NRXN1: variants seen among roughly 807,000 people sequenced by gnomAD.
The protein encoded by NRXN1 is neurexin-1.
Under a neutral mutation model 150.9 loss-of-function variants are expected in NRXN1, and 39 were observed. The observed-to-expected ratio is 0.26, with a 90% CI of 0.20 to 0.34. NRXN1 has a LOEUF of 0.34. Among genes scored for constraint, NRXN1 ranks in the 10% least tolerant of loss-of-function variants. NRXN1 has a pLI of 1.00. For missense variants in NRXN1, 1,815 were observed against 1,949.9 expected (o/e 0.93, Z 1.30); for synonymous variants, 924 against 757.0 (o/e 1.22, Z -3.62).
intron 5 of NRXN1, among the ~76,000 whole-genome samples, chr2:50,794,029 G>A (rs1277961431): frequency 1.3e-5 from 2 of 151,964 alleles, no homozygotes; most frequent in Admixed American, 1.3e-4. Flanking sequence ...GGTAGAAGCA[G>A]GGAAGCCGTT....
At chr2:50,376,924 C>T (rs569316050) in intron 17 of NRXN1, among the ~76,000 whole-genome samples, 1 of 151,476 alleles carries the variant, frequency 6.6e-6, no homozygotes, top group East Asian at 2.0e-4. Flanking sequence ...CGCTTCTGTT[C>T]CCAAATTCTT....
chr2:50,641,242 A>G (rs140460858), intron 5 of NRXN1, among the ~76,000 whole-genome samples: 2 of 152,298 alleles, frequency 1.3e-5, no homozygotes, highest in African/African-American at 4.8e-5. Context: ...AAAGGCTTTA[A>G]TACATTTTTG....
chr2:50,436,233 C>T (rs2085416297), intron 17 of NRXN1, among the ~76,000 whole-genome samples: 1 of 152,164 alleles, frequency 6.6e-6, no homozygotes, highest in Non-Finnish European at 1.5e-5. Flanking sequence ...GCAGGCAGAT[C>T]ACCAGAGGTC....
intron 5 of NRXN1, among the ~76,000 whole-genome samples, chr2:50,721,676 G>C (rs1442506183): frequency 1.3e-5 from 2 of 151,994 alleles, no homozygotes; most frequent in African/African-American, 4.8e-5. Flanking sequence ...TTAAAAGGAA[G>C]TTATACTTAC....
chr2:50,217,844 T>C (rs2063513173), intron 18 of NRXN1, among the ~76,000 whole-genome samples: 2 of 152,096 alleles, frequency 1.3e-5, no homozygotes, highest in African/African-American at 2.4e-5. Context: ...TAACTTATTG[T>C]TATTGAAAAA....
chr2:50,718,342 G>T (rs1003972685), intron 5 of NRXN1, among the ~76,000 whole-genome samples: 12 of 152,088 alleles, frequency 7.9e-5, no homozygotes, highest in South Asian at 4.1e-4. Context: ...AGTTGGATGT[G>T]GATCGACACA....
intron 20 of NRXN1, 73 bp from the exon 21 acceptor site, chr2:50,053,663 G>T: frequency 7.0e-7 from 1 of 1,433,736 alleles, no homozygotes; most frequent in Non-Finnish European, 9.8e-7. Context: ...TGATAAAACA[G>T]ATCTTTTATG....
intron 2 of NRXN1, among the ~76,000 whole-genome samples, chr2:50,954,128 A>T (rs1691878625): frequency 6.6e-6 from 1 of 152,200 alleles, no homozygotes; most frequent in South Asian, 2.1e-4. Context: ...CCTCTCTCTG[A>T]GTAGAAATAA....
At chr2:49,940,916 T>C (rs1391652361) in intron 22 of NRXN1, among the ~76,000 whole-genome samples, 1 of 152,242 alleles carries the variant, frequency 6.6e-6, no homozygotes, top group East Asian at 1.9e-4. Flanking sequence ...TAACAGGAAT[T>C]GATGAATTGA....
intron 18 of NRXN1, among the ~76,000 whole-genome samples, chr2:50,142,986 A>G (rs1265956897): frequency 6.6e-6 from 1 of 151,976 alleles, no homozygotes. Context: ...ATGAAAAACT[A>G]AGAAAAAATA....
At chr2:50,083,073 C>A (rs566527113) in intron 19 of NRXN1, among the ~76,000 whole-genome samples, 1 of 152,234 alleles carries the variant, frequency 6.6e-6, no homozygotes, top group Admixed American at 6.5e-5. Context: ...ATCAAATTGG[C>A]CCTGTGATAC....
intron 2 of NRXN1, among the ~76,000 whole-genome samples, chr2:50,996,626 T>G (rs1009351028): frequency 2.6e-5 from 4 of 152,002 alleles, no homozygotes; most frequent in African/African-American, 9.7e-5. Flanking sequence ...ACCTTCAGGA[T>G]TCTAGAGCTA....
intron 21 of NRXN1, among the ~76,000 whole-genome samples, chr2:50,013,811 C>T (rs1686107247): frequency 6.6e-6 from 1 of 152,092 alleles, no homozygotes; most frequent in South Asian, 2.1e-4. Flanking sequence ...TAATGAAAGA[C>T]ATTTCTTATT....
At chr2:50,636,842 G>A (rs1010149386) in intron 5 of NRXN1, among the ~76,000 whole-genome samples, 1 of 151,982 alleles carries the variant, frequency 6.6e-6, no homozygotes, top group Non-Finnish European at 1.5e-5. Flanking sequence ...TTGATTATTT[G>A]TCCCCAAATT....
chr2:50,934,326 T>C (rs1688205451), intron 2 of NRXN1, among the ~76,000 whole-genome samples: 1 of 152,168 alleles, frequency 6.6e-6, no homozygotes, highest in Admixed American at 6.6e-5. Context: ...TGACCACTTT[T>C]CCTATAAACA....
At position 50,451,557 on chromosome 2, in the gene NRXN1, T is replaced by A. The variant is rs1024246329; in HGVS notation, c.3364+13885A>T. Among the ~76,000 whole-genome samples, 11 of 152,310 alleles carry A rather than the reference T, an allele frequency of 7.2e-5. No individual in the cohort carries two copies. The East Asian group carries it at 2.1e-3, about 29-fold the overall frequency. ...AGTACTCACCTTGCTCTGCATCGGT[T>A]CTTCCTCATTTTTGCAATTTCTTAT... On this transcript the variant is annotated intron_variant, in intron 17 of 22. Coordinates refer to ENST00000401669, the MANE Select transcript of NRXN1 (RefSeq NM_001330078.2).
At chr2:51,001,250 T>G (rs1700037189) in intron 2 of NRXN1, among the ~76,000 whole-genome samples, 2 of 142,722 alleles carry the variant, frequency 1.4e-5, no homozygotes, top group Non-Finnish European at 3.1e-5. Context: ...GGGGGGGCGT[T>G]TGTCAGGGGA....
chr2:50,677,592 A>G (rs1473601099), intron 5 of NRXN1, among the ~76,000 whole-genome samples: 1 of 152,118 alleles, frequency 6.6e-6, no homozygotes, highest in African/African-American at 2.4e-5. Context: ...TCATTGAATT[A>G]ATTGATTTTT....
chr2:50,347,352 C>G lies in NRXN1; in HGVS notation c.3365-110382G>C, dbSNP rs1296328401. 1 of 1,225,294 alleles carries G rather than the reference C, an allele frequency of 8.2e-7. No individual in the cohort carries two copies. Among genetic ancestry groups the G allele is most frequent in the African/African-American group, 1.6e-5 (1 of 63,236 alleles). The allele number at this position is 1,225,294 out of a possible 1,614,324, so 75.9% of individuals were successfully genotyped here. A position where few individuals can be genotyped will look rare whatever the true frequency, so the allele number is the denominator to read the frequency against. On this transcript the variant is annotated intron_variant, in intron 17 of 22. Coordinates refer to ENST00000401669, the MANE Select transcript of NRXN1 (RefSeq NM_001330078.2). The surrounding 1 kb of genome is among the most constrained non-coding windows in gnomAD (Gnocchi z 4.9). ...TGTTTAAAGCTCCTCCTGGAAGGTC[C>G]TCACTTCTACATGACAGACATCCAC...
Sources: gnomAD v4.1 joint callset for allele counts (sites outside exome capture counted in the v4.1 genomes callset) on GRCh38, gnomAD v4.1.1 for gene constraint, Gnocchi (gnomAD v3.1) non-coding constraint, MANE v1.5 for transcripts, NCBI Gene and HGNC (gene_info 2026-07-23, HGNC 2026-07-21) for gene names.